ADGRG6: variants seen among roughly 807,000 people sequenced by gnomAD.
ADGRG6 encodes the protein adhesion G protein-coupled receptor G6.
Under a neutral mutation model 142.4 loss-of-function variants are expected in ADGRG6, and 84 were observed. The observed-to-expected ratio is 0.59, with a 90% confidence interval of 0.49 to 0.71. The LOEUF is 0.71. Among genes scored for constraint, ADGRG6 ranks in the 30% least tolerant of loss-of-function variants. The pLI is 0.00. For synonymous variants in ADGRG6, 521 were observed against 520.5 expected, an observed-to-expected ratio of 1.00 and a Z score of -0.01; for missense variants, 1,367 against 1,466.6, an observed-to-expected ratio of 0.93 and a Z score of 1.11.
chr6:142,400,524 G>T lies in ADGRG6; in HGVS notation c.1607G>T (p.Trp536Leu). 6.2e-7 allele frequency: 1 copy of T among 1,603,340 alleles called. No individual in the cohort carries two copies. Among genetic ancestry groups the T allele is most frequent in the Non-Finnish European group, 8.5e-7 (1 of 1,170,684 alleles). The stretch of plus-strand genomic sequence containing the variant: ...ATGGAGGAACCCAAAGGCTACTACT[G>T]GCCATCTATCCAACCTTCTGAATAC... ...LAMEEPKGYY[W>L]PSIQPSEYVL... Residue 536 changes from tryptophan (W) to leucine (L), a missense_variant, in exon 11 of 25, where the codon TGG becomes TTG. Transcript: ENST00000367609.
At chr6:142,354,883 A>G (rs1170138069) in intron 2 of ADGRG6, among the ~76,000 whole-genome samples, 1 of 152,204 alleles carries the variant, frequency 6.6e-6, no homozygotes, top group Non-Finnish European at 1.5e-5. Context: ...CCTTCAGTAA[A>G]ATGCCTGATG....
chr6:142,437,926 TG>T (rs1777563710), intron 23 of ADGRG6: 1 of 289,534 alleles, frequency 3.5e-6, no homozygotes, highest in Admixed American at 5.0e-5. Context: ...AAACCTACTT[TG>T]TCTTTTTTCT....
chr6:142,428,966 A>C (rs773623995), intron 22 of ADGRG6, among the ~76,000 whole-genome samples: 1 of 152,050 alleles, frequency 6.6e-6, no homozygotes, highest in African/African-American at 2.4e-5. Flanking sequence ...TGCTTTTGCT[A>C]TTTTTGCTGT....
intron 22 of ADGRG6, among the ~76,000 whole-genome samples, chr6:142,431,186 G>A (rs1345662956): frequency 6.6e-6 from 1 of 151,944 alleles, no homozygotes; most frequent in African/African-American, 2.4e-5. Context: ...AAAGTTTTGG[G>A]AGCTGATTAG....
chr6:142,442,619 T>C (rs1409052154), intron 24 of ADGRG6, among the ~76,000 whole-genome samples: 1 of 152,084 alleles, frequency 6.6e-6, no homozygotes, highest in Non-Finnish European at 1.5e-5. Flanking sequence ...TATAAATAAA[T>C]CATTTTCTAT....
chr6:142,340,165 G>T (rs983377963), intron 2 of ADGRG6, among the ~76,000 whole-genome samples: 3 of 152,112 alleles, frequency 2.0e-5, no homozygotes, highest in African/African-American at 7.2e-5. Context: ...GGGAACATTA[G>T]AAGTGGGAGT....
intron 22 of ADGRG6, among the ~76,000 whole-genome samples, chr6:142,435,325 A>C (rs936136527): frequency 6.6e-6 from 1 of 152,042 alleles, no homozygotes; most frequent in Non-Finnish European, 1.5e-5. Flanking sequence ...TACTGAACTT[A>C]AGGTTCAGTT....
chr6:142,415,808 G>C lies in ADGRG6; in HGVS notation c.2682G>C (p.Arg894Ser), dbSNP rs771023445. The C allele has an allele frequency of 6.2e-6, 10 of 1,610,814 alleles. No individual in the cohort carries two copies. The South Asian group carries it at 1.1e-4, about 18-fold the overall frequency. Residue 894 changes from arginine to serine, a missense_variant, in exon 20 of 25, where the codon AGG (arginine) becomes AGC (serine). Coordinates refer to ENST00000367609, the MANE Select transcript of ADGRG6 (RefSeq NM_198569.3). ...LTYVAFEKLR[R>S]DYPSKILMNL... Reference sequence around the variant, plus strand: ...TTTCATTTTTTAGGAAATTGCGAAGGGATTATCCCTCCAAAATCTTGATGA... The same window carrying C: ...TTTCATTTTTTAGGAAATTGCGAAGCGATTATCCCTCCAAAATCTTGATGA...
intron 1 of ADGRG6, 49 bp downstream of exon 1, chr6:142,302,380 C>A: frequency 6.2e-7 from 1 of 1,600,812 alleles, no homozygotes; most frequent in Non-Finnish European, 8.5e-7. Flanking sequence ...TTATCTGTGT[C>A]CACCTTCTGT....
At chr6:142,388,652 A>G (rs996467432) in intron 6 of ADGRG6, among the ~76,000 whole-genome samples, 3 of 152,096 alleles carry the variant, frequency 2.0e-5, no homozygotes, top group African/African-American at 7.2e-5. Context: ...CACAGAGTCT[A>G]TTTTATAATA....
intron 1 of ADGRG6, among the ~76,000 whole-genome samples, chr6:142,302,912 T>G (rs1051668753): frequency 3.3e-5 from 5 of 152,144 alleles, no homozygotes; most frequent in Non-Finnish European, 1.5e-5. Context: ...TGATAGGATT[T>G]GAGGGGACTT....
At chr6:142,415,288 A>G (rs573680039) in intron 19 of ADGRG6, among the ~76,000 whole-genome samples, 192 bp downstream of exon 19, 1 of 152,294 alleles carries the variant, frequency 6.6e-6, no homozygotes, top group South Asian at 2.1e-4. Flanking sequence ...CTGTATTTCT[A>G]TTTATAAAAT....
chr6:142,337,459 G>T (rs1447367292), intron 2 of ADGRG6, among the ~76,000 whole-genome samples: 2 of 152,098 alleles, frequency 1.3e-5, no homozygotes, highest in Non-Finnish European at 2.9e-5. Flanking sequence ...CAGAAAAATG[G>T]CAATGGCACG....
intron 4 of ADGRG6, among the ~76,000 whole-genome samples, chr6:142,379,188 G>T (rs935511771): frequency 1.3e-5 from 2 of 152,192 alleles, no homozygotes; most frequent in East Asian, 3.9e-4. Context: ...TTATTAGATC[G>T]ATATGTACCA....
At chr6:142,352,958 C>G (rs1431881398) in intron 2 of ADGRG6, among the ~76,000 whole-genome samples, 1 of 152,134 alleles carries the variant, frequency 6.6e-6, no homozygotes, top group African/African-American at 2.4e-5. Flanking sequence ...CAGATCTCCT[C>G]CCTCTCCTTT....
chr6:142,371,033 C>G (rs1010024321), intron 4 of ADGRG6: 26 of 446,308 alleles, frequency 5.8e-5, no homozygotes, highest in Non-Finnish European at 8.7e-5. Context: ...TTGGTTTTAC[C>G]ATTCTTAAGT....
intron 2 of ADGRG6, among the ~76,000 whole-genome samples, chr6:142,318,255 A>C (rs1298726735): frequency 1.5e-5 from 1 of 66,486 alleles, no homozygotes; most frequent in African/African-American, 7.4e-5. Flanking sequence ...TATATTATAT[A>C]TATTTATTAT....
At chr6:142,410,282 G>GT (rs1356246891) in intron 17 of ADGRG6, among the ~76,000 whole-genome samples, 1 of 152,076 alleles carries the variant, frequency 6.6e-6, no homozygotes, top group Non-Finnish European at 1.5e-5. Context: ...GGGATTATTT[G>GT]ATATGTGTAA....
chr6:142,437,546 GT>G lies in ADGRG6; in HGVS notation c.3421+13del. On this transcript the variant is annotated intron_variant, in intron 23 of 24. Transcript: ENST00000367609. ...TAGCAGATAACTCAGGTAAAGAGTT[GT>G]TGATTAAATTTTACATCTACAAGTA... 8.0e-7 allele frequency: 1 copy of G among 1,253,764 alleles called. No individual in the cohort carries two copies. The highest frequency in any genetic ancestry group is 1.2e-6 in the Non-Finnish European group (1 of 851,490). The allele number at this position is 1,253,764 out of a possible 1,614,324, so 77.7% of individuals were successfully genotyped here.
Sources: allele counts gnomAD v4.1 joint callset (sites outside exome capture counted in the v4.1 genomes callset), GRCh38; gene constraint gnomAD v4.1.1; transcripts MANE v1.5; gene names NCBI Gene and HGNC (gene_info 2026-07-23, HGNC 2026-07-21).